The following TSHZ2 variants were observed in gnomAD, a reference collection of about 807,000 sequenced individuals.
TSHZ2 encodes teashirt homolog 2.
TSHZ2 carries 21 observed loss-of-function variants against 74.4 expected under a neutral mutation model. The ratio of observed to expected loss-of-function variants is 0.28; its 90% confidence interval spans 0.20 to 0.41. TSHZ2 has a LOEUF of 0.41. TSHZ2 is among the 10% of genes least tolerant of loss of function. The pLI, the probability that TSHZ2 is intolerant of heterozygous loss-of-function variation, is 1.00. For synonymous variants in TSHZ2, 540 were observed against 515.3 expected (o/e 1.05, Z -0.65); for missense variants, 1,244 against 1,293.5 (o/e 0.96, Z 0.59).
At chr20:53,475,937 C>T (rs1304244888) in intron 2 of TSHZ2, among the ~76,000 whole-genome samples, 3 of 123,664 alleles carry the variant, frequency 2.4e-5, no homozygotes, top group Admixed American at 1.6e-4. Context: ...TCGACACATA[C>T]ACTCTCCCAA....
At chr20:53,179,100 C>T (rs1205157465) in intron 1 of TSHZ2, 2 of 151,662 alleles carry the variant, frequency 1.3e-5, no homozygotes, top group African/African-American at 4.8e-5. Flanking sequence ...TCTCATTGAA[C>T]GGGAAACATT....
intron 2 of TSHZ2, among the ~76,000 whole-genome samples, chr20:53,316,530 T>A (rs1407092780): frequency 6.6e-6 from 1 of 151,986 alleles, no homozygotes; most frequent in Non-Finnish European, 1.5e-5. Context: ...ACTGATCAGG[T>A]TACTATACCC....
At chr20:53,416,602 G>T (rs1041613246) in intron 2 of TSHZ2, among the ~76,000 whole-genome samples, 1 of 152,210 alleles carries the variant, frequency 6.6e-6, no homozygotes, top group East Asian at 1.9e-4. Context: ...CTCTGCAATG[G>T]CTTAGTTGAG....
At chr20:53,028,754 G>A (rs1227768373) in intron 1 of TSHZ2, among the ~76,000 whole-genome samples, 1 of 152,160 alleles carries the variant, frequency 6.6e-6, no homozygotes, top group African/African-American at 2.4e-5. Context: ...GGACTTGGTG[G>A]TGAGTGAAAT....
intron 2 of TSHZ2, among the ~76,000 whole-genome samples, chr20:53,260,753 G>T (rs759400075): frequency 1.3e-5 from 2 of 152,132 alleles, no homozygotes; most frequent in Admixed American, 6.5e-5. Context: ...CCCATAGTAG[G>T]TTTACAAGAA....
intron 2 of TSHZ2, among the ~76,000 whole-genome samples, chr20:53,481,226 C>T (rs568218993): frequency 1.3e-5 from 2 of 152,070 alleles, no homozygotes; most frequent in East Asian, 1.9e-4. Context: ...CCAGGATCTC[C>T]TCTTTAGGCA....
chr20:53,385,074 C>T lies in TSHZ2; in HGVS notation c.*9-102070C>T, dbSNP rs1981996594. The stretch of plus-strand genomic sequence containing the variant: ...AGGCGGAGCTTGCAGTGAGCTGAGA[C>T]CACAACACTGCATTCCAGCCTGGGG... On this transcript the variant is annotated intron_variant, in intron 2 of 2. Coordinates refer to ENST00000371497, the MANE Select transcript of TSHZ2 (RefSeq NM_173485.6). Among the ~76,000 whole-genome samples the T allele has an allele frequency of 2.0e-5, 3 of 152,036 alleles. No homozygotes were observed. In the East Asian group the frequency reaches 5.8e-4, roughly 29 times the overall value.
At chr20:53,018,195 C>G (rs1307550755) in intron 1 of TSHZ2, among the ~76,000 whole-genome samples, 4 of 152,170 alleles carry the variant, frequency 2.6e-5, no homozygotes, top group Admixed American at 2.0e-4. Context: ...TTCTTGCAGC[C>G]TCAAGACGGC....
At chr20:53,484,023 T>C (rs1379376651) in intron 2 of TSHZ2, among the ~76,000 whole-genome samples, 1 of 152,334 alleles carries the variant, frequency 6.6e-6, no homozygotes, top group Middle Eastern at 3.4e-3. Context: ...TGTTTCACAG[T>C]GTAATGCCAT....
intron 1 of TSHZ2, among the ~76,000 whole-genome samples, chr20:53,031,427 G>T (rs1226885174): frequency 1.3e-5 from 2 of 152,310 alleles, no homozygotes; most frequent in Admixed American, 1.3e-4. Flanking sequence ...AACCAGACAA[G>T]TAGTCACCAA....
chr20:53,049,115 C>T (rs1205785602), intron 1 of TSHZ2, among the ~76,000 whole-genome samples: 3 of 152,124 alleles, frequency 2.0e-5, no homozygotes, highest in East Asian at 1.9e-4. Flanking sequence ...TTACAAAGGG[C>T]GTCAGGCCCT....
In TSHZ2 at chr20:53,490,901, G is replaced by C. The variant is rs1242180262; in HGVS notation, c.*3766G>C. 2 of 152,116 alleles carry C rather than the reference G, an allele frequency of 1.3e-5. No individual in the cohort carries two copies. Among genetic ancestry groups the C allele is most frequent in the Non-Finnish European group, 2.9e-5 (2 of 68,018 alleles). The allele number at this position is 152,116 out of a possible 1,614,324, so 9.4% of individuals were successfully genotyped here. On this transcript the variant is annotated 3_prime_UTR_variant, in exon 3 of 3. Coordinates refer to ENST00000371497, the MANE Select transcript of TSHZ2 (RefSeq NM_173485.6). Reference sequence around the variant, plus strand: ...CAATGTGGCAGTAAGAGTCTATGATGTTCTGAAACTTTTCACAGTAAATCC... The same window carrying C: ...CAATGTGGCAGTAAGAGTCTATGATCTTCTGAAACTTTTCACAGTAAATCC...
rs867406132 is a variant in TSHZ2, at chr20:53,405,171, C to A, written c.*9-81973C>A. Among the ~76,000 whole-genome samples, 7 of 148,802 alleles carry A rather than the reference C, an allele frequency of 4.7e-5. No individual in the cohort carries two copies. In the Middle Eastern group the frequency reaches 0.01, roughly 223 times the overall value. ...GGCTGGGGCAGGAGAATCACTTGAA[C>A]CCAGGAGGTGGAGGTTGCAGTGAGC... On this transcript the variant is annotated intron_variant, in intron 2 of 2. Transcript: ENST00000371497.
chr20:53,469,614 T>TAACG (rs368418317), intron 2 of TSHZ2, among the ~76,000 whole-genome samples: 1 of 69,874 alleles, frequency 1.4e-5, no homozygotes, highest in African/African-American at 5.9e-5. Flanking sequence ...GAAAGATAGA[T>TAACG]AGAGAGGGAG....
At chr20:53,269,586 T>TGAGGAG (rs538780178) in intron 2 of TSHZ2, among the ~76,000 whole-genome samples, 1 of 151,800 alleles carries the variant, frequency 6.6e-6, no homozygotes, top group Non-Finnish European at 1.5e-5. Flanking sequence ...ATGATGGTGA[T>TGAGGAG]GAGGAGGAGG....
intron 1 of TSHZ2, among the ~76,000 whole-genome samples, chr20:53,020,845 T>C (rs556520346): frequency 1.4e-4 from 21 of 152,320 alleles, no homozygotes; most frequent in Non-Finnish European, 2.8e-4. Flanking sequence ...AGTCTTCCAA[T>C]TAAGACCATA....
chr20:53,028,444 A>G (rs1983525462), intron 1 of TSHZ2, among the ~76,000 whole-genome samples: 1 of 152,232 alleles, frequency 6.6e-6, no homozygotes, highest in Admixed American at 6.5e-5. Flanking sequence ...TTATTGCCTA[A>G]CACCTTGGCA....
At chr20:53,229,739 G>T (rs1005955345) in intron 1 of TSHZ2, among the ~76,000 whole-genome samples, 6 of 151,668 alleles carry the variant, frequency 4.0e-5, no homozygotes, top group Non-Finnish European at 8.8e-5. Context: ...AAGAAGTGTG[G>T]CTGACAGAAT....
chr20:53,366,921 A>G (rs539500375), intron 2 of TSHZ2, among the ~76,000 whole-genome samples: 1 of 152,320 alleles, frequency 6.6e-6, no homozygotes, highest in East Asian at 1.9e-4. Context: ...CACTTCTATC[A>G]GTTCAACTTT....
Sources: gnomAD v4.1 joint callset for allele counts (sites outside exome capture counted in the v4.1 genomes callset) on GRCh38, gnomAD v4.1.1 for gene constraint, MANE v1.5 for transcripts, NCBI Gene and HGNC (gene_info 2026-07-23, HGNC 2026-07-21) for gene names.